The following CTDSPL2 variants were observed in gnomAD, a reference collection of about 807,000 sequenced individuals.
CTDSPL2 encodes CTD small phosphatase like 2, also known as CTD small phosphatase-like protein 2.
A neutral mutation model predicts 60.0 loss-of-function variants in CTDSPL2; 5 were observed. That is an observed-to-expected ratio of 0.08 (90% CI 0.04 to 0.18). CTDSPL2 has a LOEUF of 0.18. Among genes scored for constraint, CTDSPL2 ranks in the 10% least tolerant of loss-of-function variants. The pLI, the probability that CTDSPL2 is intolerant of heterozygous loss-of-function variation, is 1.00. For synonymous variants in CTDSPL2, 186 were observed against 189.3 expected, an observed-to-expected ratio of 0.98 and a Z score of 0.14; for missense variants, 370 against 548.8, an observed-to-expected ratio of 0.67 and a Z score of 3.26.
At chr15:44,514,447 T>TA in intron 8 of CTDSPL2, 151 bp from the exon 9 acceptor site, 1 of 604,488 alleles carries the variant, frequency 1.7e-6, no homozygotes, top group Non-Finnish European at 3.0e-6. Flanking sequence ...ATGTGAAATA[T>TA]ACTTGGTTTG....
chr15:44,493,426 A>G (rs2081248999), intron 5 of CTDSPL2, among the ~76,000 whole-genome samples: 1 of 152,232 alleles, frequency 6.6e-6, no homozygotes, highest in Non-Finnish European at 1.5e-5. Flanking sequence ...TAGCTTTAAC[A>G]TAGTTTTTGT....
intron 4 of CTDSPL2, among the ~76,000 whole-genome samples, chr15:44,490,436 T>C (rs529803019): frequency 6.6e-6 from 1 of 152,320 alleles, no homozygotes; most frequent in African/African-American, 2.4e-5. Context: ...TGGCCCAGTC[T>C]TTGTTATTGA....
intron 2 of CTDSPL2, among the ~76,000 whole-genome samples, chr15:44,463,834 A>C (rs545737905): frequency 1.3e-5 from 2 of 152,204 alleles, no homozygotes; most frequent in African/African-American, 4.8e-5. Context: ...AAATTTGGGT[A>C]GGAGTTCACA....
chr15:44,504,737 G>A (rs2081431822), intron 8 of CTDSPL2, among the ~76,000 whole-genome samples: 2 of 152,090 alleles, frequency 1.3e-5, no homozygotes, highest in South Asian at 4.2e-4. Context: ...GGGCATGGTG[G>A]GGAGCACCTA....
Position 44,459,192 on chromosome 15 carries a change from A to T in CTDSPL2, c.178A>T (p.Thr60Ser). 1 of 1,600,984 alleles carries T rather than the reference A, an allele frequency of 6.2e-7. No individual in the cohort carries two copies. Among genetic ancestry groups the T allele is most frequent in the Non-Finnish European group, 8.5e-7 (1 of 1,174,606 alleles). Reference protein sequence around the residue: ...SSIKKFIKGSTPKEERENPSK... With the variant: ...SSIKKFIKGSSPKEERENPSK... ...AATTAAAAAATTTATTAAAGGAAGC[A>T]CACCTAAGGTAATGATTTTACCATA... The change falls in exon 2 of 13, where the codon ACA (threonine) becomes TCA (serine). Residue 60 changes from threonine to serine, a missense_variant. Thr to Ser is a moderately conservative substitution (Grantham distance 58). Transcript: ENST00000260327.
chr15:44,439,549 G>C (rs965287209), intron 1 of CTDSPL2, among the ~76,000 whole-genome samples: 6 of 151,518 alleles, frequency 4.0e-5, no homozygotes, highest in African/African-American at 1.5e-4. Context: ...TTTTTGGGGG[G>C]GGGGGAATAT....
chr15:44,427,924 T>C, intron 1 of CTDSPL2, 152 bp downstream of exon 1: 1 of 367,358 alleles, frequency 2.7e-6, no homozygotes, highest in Non-Finnish European at 4.8e-6. Context: ...GCCTCGTACG[T>C]CCACTGTGCG....
At chr15:44,473,359 G>A (rs562287142) in intron 2 of CTDSPL2, among the ~76,000 whole-genome samples, 13 of 152,020 alleles carry the variant, frequency 8.6e-5, no homozygotes, top group African/African-American at 2.9e-4. Context: ...GCAGTGGCAC[G>A]ATCTCAGCTC....
intron 10 of CTDSPL2, 101 bp downstream of exon 10, chr15:44,514,945 T>C: frequency 1.5e-6 from 1 of 672,348 alleles, no homozygotes; most frequent in Non-Finnish European, 2.6e-6. Context: ...GCTGCATATG[T>C]GTTGAATGGT....
intron 1 of CTDSPL2, among the ~76,000 whole-genome samples, chr15:44,431,564 C>T (rs1297710045): frequency 6.6e-6 from 1 of 152,120 alleles, no homozygotes; most frequent in Non-Finnish European, 1.5e-5. Flanking sequence ...CACAAATTCT[C>T]TGAAAGAGGA....
At chr15:44,514,496 A>G in intron 8 of CTDSPL2, 102 bp from the exon 9 acceptor site, 1 of 743,392 alleles carries the variant, frequency 1.3e-6, no homozygotes, top group Non-Finnish European at 2.4e-6. Context: ...TTAAAACATG[A>G]ACTTTTTCAT....
At chr15:44,474,152 G>A (rs1194344105) in intron 2 of CTDSPL2, among the ~76,000 whole-genome samples, 1 of 152,166 alleles carries the variant, frequency 6.6e-6, no homozygotes, top group Non-Finnish European at 1.5e-5. Flanking sequence ...TATAAAGGCC[G>A]AGATTTAACA....
At chr15:44,484,191 CTTAG>C in intron 2 of CTDSPL2, 29 bp from the exon 3 acceptor site, 2 of 1,561,624 alleles carry the variant, frequency 1.3e-6, no homozygotes, top group Non-Finnish European at 1.7e-6. Flanking sequence ...AATGATTGTG[CTTAG>C]TGTGTTTTTT....
intron 11 of CTDSPL2, chr15:44,520,943 A>G (rs1321594660): frequency 6.5e-6 from 1 of 153,910 alleles, no homozygotes; most frequent in Non-Finnish European, 1.4e-5. Flanking sequence ...TTCTCTTTAG[A>G]TTGGCAGTGT....
At chr15:44,510,553 T>C (rs969396304) in intron 8 of CTDSPL2, among the ~76,000 whole-genome samples, 1 of 152,196 alleles carries the variant, frequency 6.6e-6, no homozygotes, top group Admixed American at 6.5e-5. Flanking sequence ...ACATGTATAC[T>C]AGACTGAAAT....
At chr15:44,479,596 A>G (rs972548031) in intron 2 of CTDSPL2, among the ~76,000 whole-genome samples, 1 of 151,692 alleles carries the variant, frequency 6.6e-6, no homozygotes, top group Non-Finnish European at 1.5e-5. Context: ...TTGTGTAGAA[A>G]TGGGATCTTG....
At chr15:44,495,941 AAC>A (rs939500858) in intron 5 of CTDSPL2, among the ~76,000 whole-genome samples, 1 of 152,120 alleles carries the variant, frequency 6.6e-6, no homozygotes, top group African/African-American at 2.4e-5. Context: ...TCAAAAAAAA[AAC>A]ACAAAAAACC....
intron 4 of CTDSPL2, among the ~76,000 whole-genome samples, chr15:44,488,873 A>G (rs1454431241): frequency 6.6e-6 from 1 of 152,178 alleles, no homozygotes; most frequent in Non-Finnish European, 1.5e-5. Context: ...TTTTCCCCTC[A>G]TGCTGAAGTA....
intron 2 of CTDSPL2, among the ~76,000 whole-genome samples, chr15:44,465,247 T>C (rs1050862651): frequency 1.3e-5 from 2 of 152,222 alleles, no homozygotes; most frequent in Non-Finnish European, 2.9e-5. Flanking sequence ...ATGAGATTTC[T>C]AATATGTAAT....
Sources: allele counts gnomAD v4.1 joint callset (sites outside exome capture counted in the v4.1 genomes callset), GRCh38; gene constraint gnomAD v4.1.1; transcripts MANE v1.5; gene names NCBI Gene and HGNC (gene_info 2026-07-23, HGNC 2026-07-21).